GLUD1: variants seen among roughly 807,000 people sequenced by gnomAD.
GLUD1 encodes glutamate dehydrogenase 1.
In GLUD1, 22 loss-of-function variants were observed where a neutral mutation model predicts 56.0. The ratio of observed to expected loss-of-function variants is 0.39; its 90% confidence interval spans 0.28 to 0.56. The LOEUF is 0.56. Among genes scored for constraint, GLUD1 ranks in the 20% least tolerant of loss-of-function variants. The pLI is 0.58. For missense variants in GLUD1, 451 were observed against 732.0 expected (o/e 0.62, Z 4.43); for synonymous variants, 223 against 269.9 (o/e 0.83, Z 1.70).
At chr10:87,071,973 G>A (rs1237363417) in intron 4 of GLUD1, among the ~76,000 whole-genome samples, 1 of 152,188 alleles carries the variant, frequency 6.6e-6, no homozygotes, top group Non-Finnish European at 1.5e-5. Flanking sequence ...GGCTTAATAT[G>A]GTTAAGATGG....
intron 11 of GLUD1, among the ~76,000 whole-genome samples, chr10:87,054,008 G>T (rs928740048): frequency 1.4e-5 from 2 of 142,236 alleles, no homozygotes; most frequent in African/African-American, 5.6e-5. Context: ...ATATGACTCA[G>T]GGCCTCCACC....
chr10:87,065,565 A>T lies in GLUD1; in HGVS notation c.741+2498T>A, dbSNP rs560764601. Among the ~76,000 whole-genome samples, 25 of 152,306 alleles carry T rather than the reference A, an allele frequency of 1.6e-4. No homozygotes were observed. The South Asian group carries it at 4.6e-3, about 28-fold the overall frequency. ...GTGAACAGTTTTCCTTCAAGTGATAAGAAATCTAAAATCAAGGGCTAAGGG... is the reference window on the plus strand; with the variant it reads ...GTGAACAGTTTTCCTTCAAGTGATATGAAATCTAAAATCAAGGGCTAAGGG... On this transcript the variant is annotated intron_variant, in intron 5 of 12. Transcript: ENST00000277865.
intron 5 of GLUD1, among the ~76,000 whole-genome samples, 198 bp from the exon 6 acceptor site, chr10:87,063,033 A>G (rs1463609174): frequency 6.6e-6 from 1 of 151,666 alleles, no homozygotes; most frequent in East Asian, 1.9e-4. Context: ...CCTAGAAAAT[A>G]CAATAAAATA....
chr10:87,080,736 G>A (rs1841208680), intron 1 of GLUD1, among the ~76,000 whole-genome samples: 1 of 150,210 alleles, frequency 6.7e-6, no homozygotes, highest in East Asian at 2.0e-4. Context: ...GAGCCCCTCC[G>A]CCTGGCAGCC....
intron 1 of GLUD1, among the ~76,000 whole-genome samples, chr10:87,077,442 C>T (rs1440781160): frequency 2.0e-5 from 3 of 152,136 alleles, no homozygotes; most frequent in South Asian, 2.1e-4. Context: ...TTATTCTCCT[C>T]ACCCACTGCC....
intron 1 of GLUD1, among the ~76,000 whole-genome samples, chr10:87,079,455 GA>G (rs965746278): frequency 1.0e-3 from 151 of 147,966 alleles, no homozygotes; most frequent in Non-Finnish European, 1.5e-3. Flanking sequence ...AAAGAAAAAA[GA>G]AAAAAAAAAT....
intron 4 of GLUD1, 25 bp from the exon 5 acceptor site, chr10:87,068,182 G>C (rs775681755): frequency 1.4e-6 from 2 of 1,437,896 alleles, no homozygotes; most frequent in Admixed American, 3.3e-5. Context: ...GGAAAGAGGA[G>C]TGCACCAGTT....
chr10:87,067,048 C>T (rs1846096772), intron 5 of GLUD1, among the ~76,000 whole-genome samples: 1 of 152,202 alleles, frequency 6.6e-6, no homozygotes, highest in Admixed American at 6.5e-5. Flanking sequence ...TCTCCTGGTC[C>T]TCTGGCTCCT....
intron 11 of GLUD1, among the ~76,000 whole-genome samples, chr10:87,055,282 G>A (rs1845740012): frequency 6.6e-6 from 1 of 152,104 alleles, no homozygotes. Flanking sequence ...TAATGATGGA[G>A]CACGGAATTT....
intron 1 of GLUD1, among the ~76,000 whole-genome samples, chr10:87,086,667 C>CAA (rs1278711498): frequency 1.8e-4 from 22 of 125,162 alleles, no homozygotes; most frequent in Non-Finnish European, 2.9e-4. Context: ...ACTAAAAATA[C>CAA]AAAAAAAAAA....
rs1296357542 is a variant in GLUD1 at position 87,076,622 on chromosome 10, T to C, written c.480A>G (p.Glu160=). ...TCATCAGAGAAGCCAAAGCTTTTAC[T>C]TCATCTACACTCACATCAGTGCTGT... ...IRYSTDVSVD[E]VKALASLMTY... Residue 160 remains glutamate (E), a synonymous_variant, in exon 2 of 13, where the codon GAA becomes GAG. Coordinates refer to ENST00000277865, the MANE Select transcript of GLUD1 (RefSeq NM_005271.5). 3 of 1,609,098 alleles carry C rather than the reference T, an allele frequency of 1.9e-6. No homozygotes were observed. In the African/African-American group the frequency reaches 4.0e-5, roughly 22 times the overall value.
In GLUD1 at chr10:87,062,892, G is replaced by A. The variant is rs114657546; in HGVS notation, c.742-57C>T. Reference sequence around the variant, plus strand: ...GTCAAGTCCAATTTCTCTGTTGAAGGAACATAATGAATTAAAGTCAAAGCA... The same window carrying A: ...GTCAAGTCCAATTTCTCTGTTGAAGAAACATAATGAATTAAAGTCAAAGCA... On this transcript the variant is annotated intron_variant, in intron 5 of 12. Coordinates refer to ENST00000277865, the MANE Select transcript of GLUD1 (RefSeq NM_005271.5). 2,308 of 1,478,738 alleles carry A rather than the reference G, an allele frequency of 1.6e-3. 36 individuals carry two copies. The African/African-American group carries it at 0.028, about 18-fold the overall frequency. 91.6% of individuals were successfully genotyped at this position (1,478,738 alleles called of 1,614,324 possible).
chr10:87,088,726 AC>A (rs1841444574), intron 1 of GLUD1, among the ~76,000 whole-genome samples: 1 of 152,262 alleles, frequency 6.6e-6, no homozygotes, highest in Non-Finnish European at 1.5e-5. Context: ...CAGAAGAATT[AC>A]GTCTGATAGA....
intron 1 of GLUD1, among the ~76,000 whole-genome samples, chr10:87,087,570 G>A (rs1841412832): frequency 3.3e-5 from 5 of 152,184 alleles, no homozygotes; most frequent in Admixed American, 2.6e-4. Flanking sequence ...CTATCACTCA[G>A]GAATTTGCGA....
intron 1 of GLUD1, among the ~76,000 whole-genome samples, chr10:87,086,861 TG>T (rs1224727322): frequency 2.0e-5 from 3 of 151,096 alleles, no homozygotes; most frequent in Non-Finnish European, 4.4e-5. Context: ...AGGAAAAAAT[TG>T]TTTTTTCTCA....
chr10:87,073,281 G>A (rs538213058), intron 4 of GLUD1, among the ~76,000 whole-genome samples: 1 of 152,228 alleles, frequency 6.6e-6, no homozygotes, highest in South Asian at 2.1e-4. Context: ...TCCCATCTTA[G>A]TAGTTGGGAC....
At chr10:87,059,035 C>T in intron 10 of GLUD1, 115 bp downstream of exon 10, 2 of 1,232,098 alleles carry the variant, frequency 1.6e-6, no homozygotes, top group Non-Finnish European at 2.4e-6. Context: ...ATATTATTTT[C>T]TTTTCTGAGA....
intron 4 of GLUD1, among the ~76,000 whole-genome samples, chr10:87,073,804 G>A (rs1375254498): frequency 6.6e-6 from 1 of 151,622 alleles, no homozygotes; most frequent in Non-Finnish European, 1.5e-5. Context: ...GTTTTTAGTA[G>A]AGATGGGATT....
At chr10:87,070,997 C>T (rs1165521983) in intron 4 of GLUD1, among the ~76,000 whole-genome samples, 2 of 151,450 alleles carry the variant, frequency 1.3e-5, no homozygotes, top group East Asian at 2.0e-4. Context: ...GGCGTGGTGG[C>T]GGGCGCCTGT....
Sources: allele counts gnomAD v4.1 joint callset (sites outside exome capture counted in the v4.1 genomes callset), GRCh38; gene constraint gnomAD v4.1.1; transcripts MANE v1.5; gene names NCBI Gene and HGNC (gene_info 2026-07-23, HGNC 2026-07-21).